Variants in FHIT observed in about 807,000 individuals in gnomAD.
The protein encoded by FHIT is fragile histidine triad diadenosine triphosphatase, also known as bis(5'-adenosyl)-triphosphatase.
FHIT carries 19 observed loss-of-function variants against 17.9 expected under a neutral mutation model. That is an observed-to-expected ratio of 1.06 (90% CI 0.74 to 1.56). The LOEUF (loss-of-function observed/expected upper bound fraction) is 1.56, where lower values mean the gene tolerates loss of function less well. Among genes scored for constraint, FHIT ranks in the 40% most tolerant of loss-of-function variants. FHIT has a pLI of 0.00. For missense variants in FHIT, 248 were observed against 189.2 expected (o/e 1.31, Z -1.82); for synonymous variants, 81 against 69.7 (o/e 1.16, Z -0.81).
At chr3:60,980,761 T>A (rs1255909072) in intron 3 of FHIT, among the ~76,000 whole-genome samples, 1 of 152,224 alleles carries the variant, frequency 6.6e-6, no homozygotes, top group Non-Finnish European at 1.5e-5. Context: ...TGTAGCCACC[T>A]GGTAGCCTAG....
Position 60,954,278 on chromosome 3 carries a change from A to T in FHIT, c.-111+87769T>A, listed in dbSNP as rs578223836. Among the ~76,000 whole-genome samples the T allele has an allele frequency of 5.3e-5, 8 of 152,354 alleles. 1 individual carries two copies. The South Asian group carries it at 1.7e-3, about 32-fold the overall frequency. On this transcript the variant is annotated intron_variant, in intron 3 of 9. Coordinates refer to ENST00000492590, the MANE Select transcript of FHIT (RefSeq NM_002012.4). The stretch of plus-strand genomic sequence containing the variant: ...TATATACTATCATATGCATGAATGT[A>T]TATCAGTGGTATTTACACTTGGCAG...
At chr3:60,082,333 C>A (rs4345028) in intron 5 of FHIT, among the ~76,000 whole-genome samples, 14,883 of 152,052 alleles carry the variant, frequency 0.098, 852 homozygotes, top group African/African-American at 0.13. Context: ...ATGTAGTATT[C>A]CACTGTGTAT....
At chr3:60,878,809 G>A (rs1704812184) in intron 3 of FHIT, among the ~76,000 whole-genome samples, 1 of 152,154 alleles carries the variant, frequency 6.6e-6, no homozygotes, top group Non-Finnish European at 1.5e-5. Context: ...CCCCTACAAA[G>A]GACATGAACT....
At chr3:60,784,875 G>A (rs1472402537) in intron 4 of FHIT, among the ~76,000 whole-genome samples, 1 of 152,168 alleles carries the variant, frequency 6.6e-6, no homozygotes, top group African/African-American at 2.4e-5. Flanking sequence ...CACCATGTGA[G>A]GACACAGCAA....
intron 3 of FHIT, among the ~76,000 whole-genome samples, chr3:60,939,109 G>A (rs1045198751): frequency 3.9e-5 from 6 of 152,056 alleles, no homozygotes; most frequent in African/African-American, 1.2e-4. Flanking sequence ...ATATACATAC[G>A]CACATTACAT....
rs990212425 is a variant in FHIT at position 60,011,456 on chromosome 3, T to G, written c.250-56A>C. 28 of 1,356,908 alleles carry G rather than the reference T, an allele frequency of 2.1e-5. No individual in the cohort carries two copies. In the Admixed American group the frequency reaches 3.1e-4, roughly 15 times the overall value. The allele number at this position is 1,356,908 out of a possible 1,614,324, so 84.1% of individuals were successfully genotyped here. ...GAATAGATAGATGGTATCTCCTGCT[T>G]ATTCAGAAATATCACCCATTAATAA... is the stretch of plus-strand genomic sequence containing the variant. On this transcript the variant is annotated intron_variant, in intron 6 of 9. Coordinates refer to ENST00000492590, the MANE Select transcript of FHIT (RefSeq NM_002012.4).
At chr3:59,819,470 A>G (rs1436787363) in intron 8 of FHIT, among the ~76,000 whole-genome samples, 1 of 152,196 alleles carries the variant, frequency 6.6e-6, no homozygotes, top group Non-Finnish European at 1.5e-5. Flanking sequence ...TTTCTTGAAA[A>G]AAAATTTAAT....
intron 1 of FHIT, among the ~76,000 whole-genome samples, chr3:61,219,484 A>G (rs2039778791): frequency 6.6e-6 from 1 of 152,028 alleles, no homozygotes; most frequent in Non-Finnish European, 1.5e-5. Flanking sequence ...TCTCTTTCCC[A>G]TGTTTTCCTT....
At chr3:60,426,633 C>T (rs1448220851) in intron 5 of FHIT, among the ~76,000 whole-genome samples, 1 of 152,116 alleles carries the variant, frequency 6.6e-6, no homozygotes, top group African/African-American at 2.4e-5. Context: ...CTAAATCCAA[C>T]TCCCATTTCT....
intron 5 of FHIT, among the ~76,000 whole-genome samples, chr3:60,025,112 A>T (rs181283162): frequency 6.6e-6 from 1 of 152,282 alleles, no homozygotes; most frequent in East Asian, 1.9e-4. Context: ...GTGAAGAGTG[A>T]TGTAATTTTG....
At chr3:59,851,254 T>G (rs1229399991) in intron 8 of FHIT, among the ~76,000 whole-genome samples, 1 of 152,182 alleles carries the variant, frequency 6.6e-6, no homozygotes, top group African/African-American at 2.4e-5. Context: ...AATTATTAAC[T>G]AACTAGAACT....
intron 3 of FHIT, among the ~76,000 whole-genome samples, chr3:60,983,326 T>C (rs569936185): frequency 6.6e-6 from 1 of 152,188 alleles, no homozygotes; most frequent in African/African-American, 2.4e-5. Flanking sequence ...AGCAGATAGA[T>C]ACAAGGGTAT....
intron 5 of FHIT, among the ~76,000 whole-genome samples, chr3:60,515,167 A>AG (rs1366161723): frequency 2.6e-5 from 4 of 152,146 alleles, no homozygotes; most frequent in African/African-American, 9.7e-5. Context: ...AGCCATTATA[A>AG]GAGGGTAATA....
intron 5 of FHIT, among the ~76,000 whole-genome samples, chr3:60,395,720 T>C (rs1466410394): frequency 6.6e-6 from 1 of 152,184 alleles, no homozygotes; most frequent in Non-Finnish European, 1.5e-5. Flanking sequence ...ATTCCCAAGA[T>C]CAAATTCCAA....
At chr3:60,822,587 C>T (rs1701965639) in intron 3 of FHIT, among the ~76,000 whole-genome samples, 1 of 152,180 alleles carries the variant, frequency 6.6e-6, no homozygotes, top group Non-Finnish European at 1.5e-5. Context: ...TTTACTACTT[C>T]TGTATCCTAT....
chr3:60,390,419 AAAAAAAAAAC>A lies in FHIT; in HGVS notation c.103+146431_103+146440del, dbSNP rs1454666544. 5.0e-3 allele frequency among the ~76,000 whole-genome samples: 574 copies of A among 115,630 alleles called. 24 individuals are homozygous for A. The highest frequency in any genetic ancestry group is 6.3e-3 in the Non-Finnish European group (357 of 56,948). The allele number at this position is 115,630 out of a possible 152,430, so 75.9% of individuals were successfully genotyped here. On this transcript the variant is annotated intron_variant, in intron 5 of 9. Coordinates refer to ENST00000492590, the MANE Select transcript of FHIT (RefSeq NM_002012.4). ...GCTAAAAAAAAAAAAAAAAAAAAAAAAAAAAAAAACCCGTACCCTCTAGTATTTATTACAA... is the reference window on the plus strand; with the variant it reads ...GCTAAAAAAAAAAAAAAAAAAAAAAACCGTACCCTCTAGTATTTATTACAA...
intron 4 of FHIT, among the ~76,000 whole-genome samples, chr3:60,628,677 T>G (rs2039359173): frequency 6.6e-6 from 1 of 152,212 alleles, no homozygotes; most frequent in African/African-American, 2.4e-5. Context: ...ATGGGTTAGC[T>G]TGTAGATTTT....
intron 3 of FHIT, among the ~76,000 whole-genome samples, chr3:60,844,512 A>T (rs542711206): frequency 2.4e-4 from 36 of 151,394 alleles, no homozygotes; most frequent in Middle Eastern, 3.4e-3. Context: ...CTATTTTTTT[A>T]AAAAAAAATT....
chr3:61,075,956 A>G (rs2034958328), intron 2 of FHIT, among the ~76,000 whole-genome samples: 1 of 152,200 alleles, frequency 6.6e-6, no homozygotes, highest in Non-Finnish European at 1.5e-5. Flanking sequence ...AGTGCTTCCA[A>G]TGTGGTAAGA....
Sources: gnomAD v4.1 joint callset for allele counts (sites outside exome capture counted in the v4.1 genomes callset) on GRCh38, gnomAD v4.1.1 for gene constraint, MANE v1.5 for transcripts, NCBI Gene and HGNC (gene_info 2026-07-23, HGNC 2026-07-21) for gene names.